The following PCNX2 variants were observed in gnomAD, a reference collection of about 807,000 sequenced individuals.
The protein encoded by PCNX2 is pecanex 2, also known as pecanex-like protein 2.
A neutral mutation model predicts 223.8 loss-of-function variants in PCNX2; 168 were observed. The ratio of observed to expected loss-of-function variants is 0.75; its 90% confidence interval spans 0.66 to 0.85. The LOEUF (loss-of-function observed/expected upper bound fraction) is 0.85. Ranked by LOEUF, PCNX2 falls within the 40% of genes least tolerant of loss-of-function variation. The pLI, the probability that PCNX2 is intolerant of heterozygous loss-of-function variation, is 0.00. For missense variants in PCNX2, 2,507 were observed against 2,675.5 expected (o/e 0.94, Z 1.39); for synonymous variants, 1,006 against 1,052.6 (o/e 0.96, Z 0.86).
intron 19 of PCNX2, among the ~76,000 whole-genome samples, chr1:233,146,764 G>T (rs1033977639): frequency 3.3e-5 from 5 of 152,188 alleles, no homozygotes; most frequent in African/African-American, 1.2e-4. Context: ...GGTCATCACT[G>T]TAGAATAGCC....
At chr1:233,261,491 A>G (rs1660037361) in intron 3 of PCNX2, among the ~76,000 whole-genome samples, 170 bp from the exon 4 acceptor site, 3 of 152,346 alleles carry the variant, frequency 2.0e-5, no homozygotes, top group South Asian at 4.1e-4. Context: ...CAGAATGGAT[A>G]CAAACATATG....
Position 233,001,806 on chromosome 1 carries a change from G to A in PCNX2, c.4953-125C>T. The A allele has an allele frequency of 9.9e-7, 1 of 1,005,916 alleles. No homozygotes were observed. The highest frequency in any genetic ancestry group is 1.3e-6 in the Non-Finnish European group (1 of 744,554). 62.3% of individuals were successfully genotyped at this position (1,005,916 alleles called of 1,614,324 possible). On this transcript the variant is annotated intron_variant, in intron 28 of 33. Coordinates refer to ENST00000258229, the MANE Select transcript of PCNX2 (RefSeq NM_014801.4). The surrounding 1 kb of genome is among the most constrained non-coding windows in gnomAD (Gnocchi z 4.2). ...TAGGCTGATATAGCAAGAAAATGAA[G>A]ATAACAGGACTCATCCCAGTGCACC...
chr1:233,108,291 TC>T (rs932595823), intron 21 of PCNX2, among the ~76,000 whole-genome samples: 7 of 152,168 alleles, frequency 4.6e-5, no homozygotes, highest in African/African-American at 1.7e-4. Context: ...GGGAATCCTT[TC>T]CTGTACCACA....
chr1:233,315,194 T>A, the PCNX2 span, among the ~76,000 whole-genome samples: 1 of 152,172 alleles, frequency 6.6e-6, no homozygotes, highest in Non-Finnish European at 1.5e-5. Flanking sequence ...CATTCACATA[T>A]AAGAGAAGAA....
intron 23 of PCNX2, among the ~76,000 whole-genome samples, chr1:233,078,192 CTA>C (rs1263071179): frequency 6.6e-6 from 1 of 152,212 alleles, no homozygotes; most frequent in Non-Finnish European, 1.5e-5. Context: ...CTCCCAGTAC[CTA>C]CAGTGGTCTG....
chr1:233,176,519 C>G (rs1458807628), intron 17 of PCNX2, among the ~76,000 whole-genome samples: 1 of 152,222 alleles, frequency 6.6e-6, no homozygotes, highest in Admixed American at 6.5e-5. Flanking sequence ...ATGTGGAGAA[C>G]AGCTGTGTGT....
chr1:233,200,869 T>C (rs1261920800), intron 13 of PCNX2, among the ~76,000 whole-genome samples: 2 of 149,800 alleles, frequency 1.3e-5, no homozygotes, highest in African/African-American at 4.9e-5. Context: ...TAAAAAAAAA[T>C]ACAAAAATTA....
intron 27 of PCNX2, 49 bp from the exon 28 acceptor site, chr1:233,014,826 A>G: frequency 7.0e-7 from 1 of 1,421,798 alleles, no homozygotes; most frequent in East Asian, 2.3e-5. Flanking sequence ...TCCAATATGT[A>G]CCAACACACA....
intron 13 of PCNX2, among the ~76,000 whole-genome samples, chr1:233,205,559 A>G (rs931095027): frequency 1.3e-5 from 2 of 151,996 alleles, no homozygotes; most frequent in African/African-American, 4.8e-5. Flanking sequence ...GCTAGGTATG[A>G]TGGCACGCAC....
intron 17 of PCNX2, among the ~76,000 whole-genome samples, chr1:233,173,059 T>C (rs1299999669): frequency 1.3e-5 from 2 of 152,230 alleles, no homozygotes; most frequent in Non-Finnish European, 2.9e-5. Flanking sequence ...TTTGACATAA[T>C]ACATTCATAA....
chr1:233,194,996 A>G (rs111849094), intron 15 of PCNX2, among the ~76,000 whole-genome samples: 12,421 of 149,576 alleles, frequency 0.083, 1,266 homozygotes, highest in African/African-American at 0.25. Context: ...CAGCCTGGGT[A>G]ACAGAGTGAG....
chr1:233,186,916 T>C (rs2102871855), intron 15 of PCNX2, among the ~76,000 whole-genome samples: 1 of 152,206 alleles, frequency 6.6e-6, no homozygotes, highest in South Asian at 2.1e-4. Flanking sequence ...CACAAATACG[T>C]GTACTTCAGG....
intron 12 of PCNX2, among the ~76,000 whole-genome samples, chr1:233,210,164 T>G (rs746669476): frequency 6.6e-6 from 1 of 152,192 alleles, no homozygotes; most frequent in Non-Finnish European, 1.5e-5. Context: ...ACAAAACTTA[T>G]AGCACTGTCA....
intron 1 of PCNX2, among the ~76,000 whole-genome samples, chr1:233,270,739 C>A (rs2103009291): frequency 6.6e-6 from 1 of 152,172 alleles, no homozygotes; most frequent in South Asian, 2.1e-4. Context: ...TTGTTGAGCT[C>A]CTGGACCTCT....
intron 28 of PCNX2, among the ~76,000 whole-genome samples, chr1:233,010,439 A>C (rs1670426927): frequency 1.3e-5 from 2 of 152,216 alleles, no homozygotes; most frequent in Admixed American, 6.5e-5. Flanking sequence ...TGAGTCAGTA[A>C]ATTTTCTTTT....
At chr1:233,051,716 G>C (rs535933964) in intron 25 of PCNX2, among the ~76,000 whole-genome samples, 5 of 152,090 alleles carry the variant, frequency 3.3e-5, no homozygotes, top group African/African-American at 4.8e-5. Context: ...TAGAAAAGGG[G>C]ACAAAGGTTG....
chr1:233,117,938 A>G lies in PCNX2; in HGVS notation c.3837+17075T>C, dbSNP rs1377920920. On this transcript the variant is annotated intron_variant, in intron 21 of 33. Coordinates refer to ENST00000258229, the MANE Select transcript of PCNX2 (RefSeq NM_014801.4). ...GGCAGGAGAATGGCGTGAACCCGGG[A>G]GGCGGAGCTTGCAGTGAGCCGAGAT... Among the ~76,000 whole-genome samples, 673 of 148,446 alleles carry G rather than the reference A, an allele frequency of 4.5e-3. 1 individual carries two copies. The highest frequency in any genetic ancestry group is 0.015 in the African/African-American group (604 of 40,402).
At chr1:233,118,035 G>GACCATA (rs1260359095) in intron 21 of PCNX2, among the ~76,000 whole-genome samples, 1 of 150,278 alleles carries the variant, frequency 6.7e-6, no homozygotes, top group East Asian at 2.0e-4. Flanking sequence ...AATAATTATA[G>GACCATA]ACCATAACCA....
chr1:233,146,645 C>T (rs1278141547), intron 19 of PCNX2, among the ~76,000 whole-genome samples: 1 of 152,112 alleles, frequency 6.6e-6, no homozygotes, highest in African/African-American at 2.4e-5. Flanking sequence ...GACATGACAA[C>T]CTTAGCTATA....
Sources: allele counts gnomAD v4.1 joint callset (sites outside exome capture counted in the v4.1 genomes callset), GRCh38; gene constraint gnomAD v4.1.1; non-coding constraint Gnocchi (gnomAD v3.1); transcripts MANE v1.5; gene names NCBI Gene and HGNC (gene_info 2026-07-23, HGNC 2026-07-21).